The following PEX14 variants were observed in gnomAD, a reference collection of about 807,000 sequenced individuals.
PEX14 encodes the protein peroxisomal membrane protein PEX14.
In PEX14, 15 loss-of-function variants were observed where a neutral mutation model predicts 49.5. That is an observed-to-expected ratio of 0.30 (90% CI 0.20 to 0.47). The LOEUF is 0.47. Ranked by LOEUF, PEX14 falls within the 20% of genes least tolerant of loss-of-function variation. The pLI, the probability that PEX14 is intolerant of heterozygous loss-of-function variation, is 1.00. For synonymous variants in PEX14, 210 were observed against 212.7 expected (o/e 0.99, Z 0.11); for missense variants, 398 against 494.8 (o/e 0.80, Z 1.86).
chr1:10,626,566 C>T (rs58629758), intron 7 of PEX14, among the ~76,000 whole-genome samples: 1 of 152,280 alleles, frequency 6.6e-6, no homozygotes, highest in Non-Finnish European at 1.5e-5. Flanking sequence ...CCACAGCACA[C>T]TGGTAGGGAA....
Position 10,546,912 on chromosome 1 carries a change from C to A in PEX14, c.169+10615C>A, listed in dbSNP as rs572447282. On this transcript the variant is annotated intron_variant, in intron 3 of 8. Transcript: ENST00000356607. ...AACAACTACAACAACAGCAAAAAAA[C>A]CAGATGGTTAGGCACTTACTCACTT... Among the ~76,000 whole-genome samples, 291 of 152,070 alleles carry A rather than the reference C, an allele frequency of 1.9e-3. 2 individuals are homozygous for A. Among genetic ancestry groups the A allele is most frequent in the Non-Finnish European group, 2.2e-3 (151 of 67,982 alleles).
rs1312391529 is a variant in PEX14, at chr1:10,577,529, C to CAT, written c.170-21676_170-21675dup. 7.3e-3 allele frequency among the ~76,000 whole-genome samples: 312 copies of CAT among 42,994 alleles called. 4 individuals carry two copies. Among genetic ancestry groups the CAT allele is most frequent in the African/African-American group, 0.02 (167 of 8,358 alleles). The allele number at this position is 42,994 out of a possible 152,430, so 28.2% of individuals were successfully genotyped here. A position where few individuals can be genotyped will look rare whatever the true frequency, so the allele number is the denominator to read the frequency against. ...ACAAAAATAAATTTTGGACACTATA[C>CAT]ATATATATATATATATATATATATA... On this transcript the variant is annotated intron_variant, in intron 3 of 8. Transcript: ENST00000356607.
chr1:10,511,299 A>C (rs989687276), intron 2 of PEX14, among the ~76,000 whole-genome samples: 2 of 151,310 alleles, frequency 1.3e-5, no homozygotes, highest in Non-Finnish European at 2.9e-5. Context: ...CTTTCTTTTC[A>C]GACTTATTTT....
chr1:10,564,881 A>ATT (rs1639757418), intron 3 of PEX14, among the ~76,000 whole-genome samples: 1 of 146,778 alleles, frequency 6.8e-6, no homozygotes, highest in Non-Finnish European at 1.5e-5. Context: ...ATTTTCCCCC[A>ATT]CTTGGTCCTA....
At chr1:10,612,534 C>A (rs1286372105) in intron 4 of PEX14, among the ~76,000 whole-genome samples, 7 of 152,112 alleles carry the variant, frequency 4.6e-5, no homozygotes, top group Admixed American at 4.6e-4. Context: ...TACTGTGGTG[C>A]CTTTTGCCAT....
At chr1:10,535,029 A>G (rs1006087443) in intron 2 of PEX14, among the ~76,000 whole-genome samples, 1 of 152,228 alleles carries the variant, frequency 6.6e-6, no homozygotes, top group African/African-American at 2.4e-5. Context: ...AGTTTGAAGG[A>G]TCTTAGAAAA....
chr1:10,499,759 T>G (rs1412987882), intron 2 of PEX14, among the ~76,000 whole-genome samples: 1 of 152,120 alleles, frequency 6.6e-6, no homozygotes, highest in Non-Finnish European at 1.5e-5. Context: ...AAACTACAAT[T>G]TTTTCTGTAA....
intron 3 of PEX14, among the ~76,000 whole-genome samples, chr1:10,538,830 TTGCAG>T (rs941295120): frequency 3.3e-5 from 5 of 152,328 alleles, no homozygotes; most frequent in African/African-American, 9.6e-5. Context: ...TGCAGAAGCC[TTGCAG>T]TGCTGGGCTT....
rs996925845 is a variant in PEX14, at chr1:10,610,372, TACAC to T, written c.299-7936_299-7933del. Among the ~76,000 whole-genome samples the T allele has an allele frequency of 3.1e-3, 406 of 129,070 alleles. 1 individual carries two copies. The highest frequency in any genetic ancestry group is 0.012 in the African/African-American group (370 of 32,096). The allele number at this position is 129,070 out of a possible 152,430, so 84.7% of individuals were successfully genotyped here. A position where few individuals can be genotyped will look rare whatever the true frequency, so the allele number is the denominator to read the frequency against. ...ATAACTTTACATATATATATATATA[TACAC>T]ACACACACACACACACACACACATA... On this transcript the variant is annotated intron_variant, in intron 4 of 8. Coordinates refer to ENST00000356607, the MANE Select transcript of PEX14 (RefSeq NM_004565.3).
At position 10,629,742 on chromosome 1, in the gene PEX14, G is replaced by A. The variant is rs2124650376; in HGVS notation, c.889G>A (p.Glu297Lys). The change falls in exon 9 of 9, where the codon GAG (glutamate) becomes AAG (lysine). Residue 297 changes from glutamate (E) to lysine (K), a missense_variant. This residue lies in a region of PEX14 where 140 missense variants were observed against 155.5 expected (regional missense o/e 0.90). Coordinates refer to ENST00000356607, the MANE Select transcript of PEX14 (RefSeq NM_004565.3). This position sits in a 1 kb window ranked among gnomAD's most constrained non-coding sequence, Gnocchi z 8.5. ...TVTYHLLGPQ[E>K]EGEGVVDVKG... ...CACCTACCACTTGCTGGGCCCCCAG[G>A]AGGAAGGCGAGGGGGTGGTGGACGT... 4 of 1,591,254 alleles carry A rather than the reference G, an allele frequency of 2.5e-6. No individual in the cohort carries two copies. The highest frequency in any genetic ancestry group is 3.4e-6 in the Non-Finnish European group (4 of 1,168,620).
chr1:10,620,784 G>A (rs1427270826), intron 5 of PEX14, among the ~76,000 whole-genome samples: 2 of 152,250 alleles, frequency 1.3e-5, no homozygotes, highest in Non-Finnish European at 2.9e-5. Context: ...GGGTGAAAGA[G>A]CGAGACTTTG....
In PEX14 at chr1:10,605,343, G is replaced by A. The variant is rs540626320; in HGVS notation, c.298+5977G>A. Among the ~76,000 whole-genome samples, 34 of 152,328 alleles carry A rather than the reference G, an allele frequency of 2.2e-4. No homozygotes were observed. In the East Asian group the frequency reaches 4.4e-3, roughly 20 times the overall value. ...CCACCTTCAGGAGCTGCTGTTCATC[G>A]TAGAGGGAAGCCCTCCATTGCTTGG... On this transcript the variant is annotated intron_variant, in intron 4 of 8. Coordinates refer to ENST00000356607, the MANE Select transcript of PEX14 (RefSeq NM_004565.3).
At chr1:10,504,188 A>T (rs749627034) in intron 2 of PEX14, among the ~76,000 whole-genome samples, 13 of 152,198 alleles carry the variant, frequency 8.5e-5, no homozygotes, top group Non-Finnish European at 1.6e-4. Context: ...AGAAGGACGT[A>T]TTCACCGCCC....
rs151158889 is a variant in PEX14, at chr1:10,570,725, T to A, written c.170-28513T>A. Among the ~76,000 whole-genome samples the A allele has an allele frequency of 1.2e-4, 18 of 152,262 alleles. No individual in the cohort carries two copies. The East Asian group carries it at 3.5e-3, about 29-fold the overall frequency. On this transcript the variant is annotated intron_variant, in intron 3 of 8. Transcript: ENST00000356607. ...ATGACAGAGGCCATAAGAAACTGAT[T>A]GGAGCATCTGTGGGCATGAGTCCTT...
chr1:10,600,345 C>T lies in PEX14; in HGVS notation c.298+979C>T, dbSNP rs568268739. On this transcript the variant is annotated intron_variant, in intron 4 of 8. Transcript: ENST00000356607. The stretch of plus-strand genomic sequence containing the variant: ...CTGAGGAAGGAGAATTGCTTGAACC[C>T]GGGAGGTGGAGGTTGCAGTGAGCCG... Among the ~76,000 whole-genome samples the T allele has an allele frequency of 1.3e-4, 20 of 152,166 alleles. No homozygotes were observed. The South Asian group carries it at 3.5e-3, about 27-fold the overall frequency.
At chr1:10,573,061 A>G (rs192223743) in intron 3 of PEX14, among the ~76,000 whole-genome samples, 2 of 152,326 alleles carry the variant, frequency 1.3e-5, no homozygotes, top group African/African-American at 4.8e-5. Flanking sequence ...AAAAAAGGTA[A>G]TGAATTGTGC....
intron 3 of PEX14, among the ~76,000 whole-genome samples, chr1:10,571,015 GTTTTTTTTTTT>G (rs34811019): frequency 1.3e-5 from 1 of 74,544 alleles, no homozygotes; most frequent in African/African-American, 4.8e-5. Flanking sequence ...CGCCTGGCTA[GTTTTTTTTTTT>G]TTTTTTTTTT....
intron 3 of PEX14, among the ~76,000 whole-genome samples, chr1:10,595,046 A>G (rs1390497033): frequency 6.6e-6 from 1 of 152,014 alleles, no homozygotes; most frequent in Non-Finnish European, 1.5e-5. Flanking sequence ...TAAAAAAAAA[A>G]GCCCACCCTG....
intron 3 of PEX14, among the ~76,000 whole-genome samples, chr1:10,572,012 T>G (rs1171077614): frequency 6.6e-6 from 1 of 152,128 alleles, no homozygotes; most frequent in African/African-American, 2.4e-5. Context: ...GCTTCCAGTT[T>G]ATGTAGTACA....
Sources: gnomAD v4.1 joint callset for allele counts (sites outside exome capture counted in the v4.1 genomes callset) on GRCh38, gnomAD v4.1.1 for gene constraint, gnomAD v4.1.1 regional missense constraint, Gnocchi (gnomAD v3.1) non-coding constraint, MANE v1.5 for transcripts, NCBI Gene and HGNC (gene_info 2026-07-23, HGNC 2026-07-21) for gene names.